Variants in FGD5 observed in about 807,000 individuals in gnomAD.
FGD5 encodes the protein FYVE, RhoGEF and PH domain-containing protein 5.
Under a neutral mutation model 133.4 loss-of-function variants are expected in FGD5, and 28 were observed. The ratio of observed to expected loss-of-function variants is 0.21; its 90% CI spans 0.16 to 0.29. The LOEUF (loss-of-function observed/expected upper bound fraction) is 0.29, where lower values mean the gene tolerates loss of function less well. Among genes scored for constraint, FGD5 ranks in the 10% least tolerant of loss-of-function variants. The pLI, the probability that FGD5 is intolerant of heterozygous loss-of-function variation, is 1.00. For synonymous variants in FGD5, 810 were observed against 776.5 expected (o/e 1.04, Z -0.72); for missense variants, 1,858 against 1,895.2 (o/e 0.98, Z 0.36).
In FGD5 at chr3:14,918,778, G is replaced by C; in HGVS notation, c.3514G>C (p.Val1172Leu). 1.9e-6 allele frequency: 3 copies of C among 1,613,988 alleles called. No homozygotes were observed. The highest frequency in any genetic ancestry group is 2.5e-6 in the Non-Finnish European group (3 of 1,179,888). Residue 1172 changes from valine (V) to leucine (L), a missense_variant, in exon 13 of 20, where the codon GTG becomes CTG. Transcript: ENST00000285046. ...GGTCAGCCGCCCTGTGATGGAGAAA[G>C]TGCCCTACGCTCTAAAGATTGAGAC... ...MKVSRPVMEK[V>L]PYALKIETSE...
Position 14,812,052 on chromosome 3 carries a change from A to G in FGD5, c.13+1187A>G, listed in dbSNP as rs867024802. Among the ~76,000 whole-genome samples, 43 of 112,492 alleles carry G rather than the reference A, an allele frequency of 3.8e-4. 1 individual carries two copies. The highest frequency in any genetic ancestry group is 4.8e-3 in the Middle Eastern group (1 of 210). The allele number at this position is 112,492 out of a possible 152,430, so 73.8% of individuals were successfully genotyped here. ...TGTGTATGTATGTGTGTGTGTGTGT[A>G]GGATTTTTTCTTTTAAAAATCTTTT... On this transcript the variant is annotated intron_variant, in intron 1 of 1. Coordinates refer to the FGD5 transcript ENST00000640506.
At chr3:14,855,200 T>C (rs181654625) in intron 1 of FGD5, among the ~76,000 whole-genome samples, 1 of 152,368 alleles carries the variant, frequency 6.6e-6, no homozygotes, top group East Asian at 1.9e-4. Context: ...GATTTCTTTC[T>C]TTTTTATGGC....
At chr3:14,869,804 G>T (rs1303139319) in intron 2 of FGD5, among the ~76,000 whole-genome samples, 3 of 152,216 alleles carry the variant, frequency 2.0e-5, no homozygotes, top group East Asian at 3.8e-4. Context: ...TGATTCCGTT[G>T]TATGGGTGGA....
At chr3:14,880,658 C>T (rs1256535767) in intron 3 of FGD5, 28 bp downstream of exon 3, 35 of 1,613,854 alleles carry the variant, frequency 2.2e-5, no homozygotes, top group Non-Finnish European at 2.9e-5. Context: ...TGCCTGTGGC[C>T]TTGAGCTTAT....
intron 1 of FGD5, among the ~76,000 whole-genome samples, chr3:14,837,778 T>C (rs1480216440): frequency 6.6e-6 from 1 of 152,260 alleles, no homozygotes; most frequent in African/African-American, 2.4e-5. Flanking sequence ...CTCTTTGCTC[T>C]CTGCCTCTTG....
chr3:14,884,943 G>A (rs992671938), intron 4 of FGD5, among the ~76,000 whole-genome samples: 6 of 151,918 alleles, frequency 3.9e-5, no homozygotes, highest in African/African-American at 7.3e-5. Flanking sequence ...GTTATCTACC[G>A]CGACATCTAG....
At chr3:14,855,922 T>C (rs1445296050) in intron 1 of FGD5, among the ~76,000 whole-genome samples, 1 of 152,218 alleles carries the variant, frequency 6.6e-6, no homozygotes, top group Non-Finnish European at 1.5e-5. Context: ...TGCCTGTGTT[T>C]TTGAGGTCTT....
chr3:14,886,104 A>G (rs2037920182), intron 4 of FGD5, among the ~76,000 whole-genome samples: 2 of 152,228 alleles, frequency 1.3e-5, no homozygotes, highest in South Asian at 4.1e-4. Flanking sequence ...CTCAGGGACT[A>G]AAGTTCCATC....
intron 10 of FGD5, among the ~76,000 whole-genome samples, chr3:14,908,330 C>A (rs1462347478): frequency 6.6e-6 from 1 of 152,086 alleles, no homozygotes; most frequent in Non-Finnish European, 1.5e-5. Context: ...CTATTTGTAT[C>A]TCCAGAATTA....
At chr3:14,896,670 C>T (rs1474841764) in intron 4 of FGD5, among the ~76,000 whole-genome samples, 1 of 152,084 alleles carries the variant, frequency 6.6e-6, no homozygotes, top group Non-Finnish European at 1.5e-5. Context: ...AGGGTTTCTC[C>T]ATGTTGGTCA....
At chr3:14,864,652 TC>T (rs2037460110) in intron 2 of FGD5, among the ~76,000 whole-genome samples, 1 of 152,228 alleles carries the variant, frequency 6.6e-6, no homozygotes, top group African/African-American at 2.4e-5. Flanking sequence ...TTAAAGGCTA[TC>T]AGGGAATTTT....
At chr3:14,902,230 C>T (rs945919137) in intron 9 of FGD5, among the ~76,000 whole-genome samples, 5 of 150,138 alleles carry the variant, frequency 3.3e-5, no homozygotes, top group African/African-American at 7.4e-5. Flanking sequence ...TGCAGTGACC[C>T]GAGACCATGG....
At chr3:14,900,682 G>C (rs1334797618) in intron 8 of FGD5, among the ~76,000 whole-genome samples, 1 of 152,182 alleles carries the variant, frequency 6.6e-6, no homozygotes, top group Admixed American at 6.5e-5. Context: ...AGGACATCCC[G>C]TCAGAGGGGA....
chr3:14,871,218 C>T (rs1250930408), intron 2 of FGD5, among the ~76,000 whole-genome samples: 1 of 152,210 alleles, frequency 6.6e-6, no homozygotes, highest in Non-Finnish European at 1.5e-5. Context: ...CATCGTTTGC[C>T]TTTCCCTGGC....
chr3:14,821,466 G>A lies in FGD5; in HGVS notation c.2395G>A (p.Ala799Thr), dbSNP rs769798482. Reference sequence around the variant, plus strand: ...ACCCCGGAGACCTGCCAGGGCTGGCGCGTTCACGAAGCTGTTTGAAGATCA... The same window carrying A: ...ACCCCGGAGACCTGCCAGGGCTGGCACGTTCACGAAGCTGTTTGAAGATCA... ...IPPRRPARAG[A>T]FTKLFEDQSR... Residue 799 changes from alanine to threonine, a missense_variant, in exon 1 of 20, where the codon GCG (alanine) becomes ACG (threonine). Ala to Thr is a moderately conservative substitution (Grantham distance 58, BLOSUM62 0). This residue lies in a region of FGD5 where 1,824 missense variants were observed against 1,848.9 expected (regional missense o/e 0.99). Coordinates refer to ENST00000285046, the MANE Select transcript of FGD5 (RefSeq NM_152536.4). The A allele has an allele frequency of 5.0e-6, 8 of 1,613,906 alleles. No individual in the cohort carries two copies. The highest frequency in any genetic ancestry group is 1.1e-5 in the South Asian group (1 of 91,088).
intron 1 of FGD5, among the ~76,000 whole-genome samples, chr3:14,843,975 G>A (rs1353957721): frequency 6.6e-6 from 1 of 150,914 alleles, no homozygotes; most frequent in Non-Finnish European, 1.5e-5. Flanking sequence ...GATTACAGGC[G>A]TGAGCCACTG....
intron 18 of FGD5, chr3:14,931,907 C>G (rs2125166080): frequency 6.6e-6 from 1 of 152,300 alleles, no homozygotes; most frequent in Middle Eastern, 3.4e-3. Context: ...TGGATCTGCT[C>G]TTTACTGCTG....
chr3:14,927,857 G>A (rs1281783044), intron 18 of FGD5, among the ~76,000 whole-genome samples: 1 of 151,942 alleles, frequency 6.6e-6, no homozygotes, highest in East Asian at 1.9e-4. Context: ...TTGAACTCCT[G>A]GACTCAAGCC....
chr3:14,909,000 G>C (rs139465968), intron 10 of FGD5, among the ~76,000 whole-genome samples: 2,042 of 148,584 alleles, frequency 0.014, 20 homozygotes, highest in Non-Finnish European at 0.017. Flanking sequence ...TTTTGAGCTG[G>C]AGTTTAGCTC....
Sources: allele counts gnomAD v4.1 joint callset (sites outside exome capture counted in the v4.1 genomes callset), GRCh38; gene constraint gnomAD v4.1.1; regional missense constraint gnomAD v4.1.1; transcripts MANE v1.5; gene names NCBI Gene and HGNC (gene_info 2026-07-23, HGNC 2026-07-21).